Variants in SEPTIN6 observed in about 807,000 individuals in gnomAD.
SEPTIN6 encodes septin 6, also known as septin-6.
In SEPTIN6, 8 loss-of-function variants were observed where a neutral mutation model predicts 33.6. That is an observed-to-expected ratio of 0.24 (90% CI 0.14 to 0.43). The LOEUF (loss-of-function observed/expected upper bound fraction) is 0.43, where lower values mean the gene tolerates loss of function less well. Among genes scored for constraint, SEPTIN6 ranks in the 20% least tolerant of loss-of-function variants. The probability of loss-of-function intolerance (pLI) is 1.00; values close to 1 mark genes in which losing one functional copy is unlikely to be tolerated. For synonymous variants in SEPTIN6, 131 were observed against 140.0 expected, an observed-to-expected ratio of 0.94 and a Z score of 0.45; for missense variants, 250 against 340.8, an observed-to-expected ratio of 0.73 and a Z score of 2.10.
chrX:119,654,687 C>A (rs1339207987), intron 3 of SEPTIN6, among the ~76,000 whole-genome samples: 1 of 111,503 alleles, frequency 9.0e-6, no homozygotes, highest in Non-Finnish European at 1.9e-5. Flanking sequence ...TCTCTGGAGC[C>A]CCAGAGAAAA....
At chrX:119,628,807 A>AT (rs1332987125) in intron 9 of SEPTIN6, 25 of 88,221 alleles carry the variant, frequency 2.8e-4, no homozygotes, top group East Asian at 3.5e-4. Flanking sequence ...TGCCCAGCCT[A>AT]TTTTTTTTTT....
intron 2 of SEPTIN6, among the ~76,000 whole-genome samples, chrX:119,669,233 C>T: frequency 8.8e-6 from 1 of 113,213 alleles, no homozygotes; most frequent in Non-Finnish European, 1.9e-5. Flanking sequence ...GACGCATAGG[C>T]GTGATACGTT....
Position 119,618,091 on chromosome X carries a change from T to C in SEPTIN6, c.*2002A>G. On this transcript the variant is annotated 3_prime_UTR_variant, in exon 11 of 11. Transcript: ENST00000394610. ...CATAGAATCATCAAAGTTGCAAATA[T>C]GAAGCCTTTCCCAAGGAGACCTGAC... 1.2e-6 allele frequency: 1 copy of C among 804,013 alleles called. No homozygotes were observed. Among genetic ancestry groups the C allele is most frequent in the Non-Finnish European group, 1.5e-6 (1 of 670,505 alleles). The allele number at this position is 804,013 out of a possible 1,213,427, so 66.3% of individuals were successfully genotyped here. A position where few individuals can be genotyped will look rare whatever the true frequency, so the allele number is the denominator to read the frequency against.
rs183580630 is a variant in SEPTIN6 at position 119,652,011 on chromosome X, G to A, written c.528+843C>T. On this transcript the variant is annotated intron_variant, in intron 4 of 10. Coordinates refer to ENST00000394610, the MANE Select transcript of SEPTIN6 (RefSeq NM_145799.4). Reference sequence around the variant, plus strand: ...ATGATTCCAGCTCACTGCAACCTCCGCTTCCAGGTTCAAGCGATTCTCCTG... The same window carrying A: ...ATGATTCCAGCTCACTGCAACCTCCACTTCCAGGTTCAAGCGATTCTCCTG... Among the ~76,000 whole-genome samples the A allele has an allele frequency of 4.1e-3, 458 of 112,077 alleles. 3 individuals are homozygous for A. The highest frequency in any genetic ancestry group is 0.014 in the African/African-American group (434 of 30,869).
rs767539870 is a variant in SEPTIN6 at position 119,637,011 on chromosome X, C to T, written c.956+16G>A. The T allele has an allele frequency of 2.5e-6, 3 of 1,204,154 alleles. No individual in the cohort carries two copies. In the South Asian group the frequency reaches 5.4e-5, roughly 22 times the overall value. On this transcript the variant is annotated intron_variant, in intron 7 of 10. Coordinates refer to ENST00000394610, the MANE Select transcript of SEPTIN6 (RefSeq NM_145799.4). ...CTGAGCTGGGCTGGGCTGGGCTGGG[C>T]TGGCAGGAGCGGTACCTGAAGGGTT...
At position 119,637,159 on chromosome X, in the gene SEPTIN6, C is replaced by A. The variant is rs149227275; in HGVS notation, c.824G>T (p.Arg275Leu). Residue 275 changes from arginine (R) to leucine (L), a missense_variant, in exon 7 of 11, where the codon CGG becomes CTG. Physicochemically the swap from Arg to Leu is moderately radical, Grantham distance 102. This residue lies in a region of SEPTIN6 where 139 missense variants were observed against 227.0 expected (regional missense o/e 0.61). Transcript: ENST00000394610. ...CATGTTGACCCGAATCAGCATCTCC[C>A]GCAGCTTCACAAAGTCGCAGTGGGC... is the stretch of plus-strand genomic sequence containing the variant. The part of the protein sequence containing the change: ...NEAHCDFVKL[R>L]EMLIRVNMED... 8.3e-7 allele frequency: 1 copy of A among 1,211,706 alleles called. No individual in the cohort carries two copies. The highest frequency in any genetic ancestry group is 1.1e-6 in the Non-Finnish European group (1 of 895,339).
chrX:119,686,721 T>A, intron 1 of SEPTIN6: 1 of 497,381 alleles, frequency 2.0e-6, no homozygotes, highest in Non-Finnish European at 3.0e-6. Flanking sequence ...AAATAATCCA[T>A]CATTACATGG....
intron 9 of SEPTIN6, among the ~76,000 whole-genome samples, chrX:119,627,300 C>T (rs748262222): frequency 2.7e-5 from 3 of 110,763 alleles, no homozygotes; most frequent in Non-Finnish European, 5.7e-5. Flanking sequence ...GGCACAAGGG[C>T]ACCACAGGAG....
At chrX:119,682,352 A>C (rs773521632) in intron 1 of SEPTIN6, among the ~76,000 whole-genome samples, 5 of 111,788 alleles carry the variant, frequency 4.5e-5, no homozygotes, top group Non-Finnish European at 9.4e-5. Flanking sequence ...GTTCTCACTC[A>C]GCTTTGCAGC....
At chrX:119,684,191 C>T (rs775314961) in intron 1 of SEPTIN6, among the ~76,000 whole-genome samples, 47 of 111,493 alleles carry the variant, frequency 4.2e-4, no homozygotes, top group Non-Finnish European at 3.4e-4. Context: ...GTGATCCACT[C>T]GCCTCGGCCT....
At chrX:119,636,961 T>C in intron 7 of SEPTIN6, 66 bp downstream of exon 7, 1 of 1,146,619 alleles carries the variant, frequency 8.7e-7, no homozygotes, top group African/African-American at 1.8e-5. Context: ...AGGGGAAGGC[T>C]TCCACACCAC....
chrX:119,655,072 G>A (rs192278987), intron 3 of SEPTIN6, among the ~76,000 whole-genome samples: 29 of 110,111 alleles, frequency 2.6e-4, no homozygotes, highest in African/African-American at 9.3e-4. Flanking sequence ...AGGAATCAGA[G>A]GAAAGAAAAT....
At chrX:119,692,480 C>T (rs1478737064) in intron 1 of SEPTIN6, among the ~76,000 whole-genome samples, 1 of 111,555 alleles carries the variant, frequency 9.0e-6, no homozygotes, top group Non-Finnish European at 1.9e-5. Context: ...GCCGCCCGCC[C>T]GGGAAGACAC....
chrX:119,633,599 G>T, intron 7 of SEPTIN6, 107 bp from the exon 8 acceptor site: 2 of 991,646 alleles, frequency 2.0e-6, no homozygotes, highest in Non-Finnish European at 2.7e-6. Flanking sequence ...TTCCCCAGTT[G>T]TGAGCCAGGT....
chrX:119,666,902 C>T (rs780678182), intron 2 of SEPTIN6, among the ~76,000 whole-genome samples: 6 of 111,371 alleles, frequency 5.4e-5, no homozygotes, highest in Non-Finnish European at 7.6e-5. Flanking sequence ...TAACTGCAAA[C>T]GGGGCCAGCA....
chrX:119,618,684 A>C lies in SEPTIN6; in HGVS notation c.*1409T>G. On this transcript the variant is annotated 3_prime_UTR_variant, in exon 11 of 11. Transcript: ENST00000394610. ...GGGGGGCCTCGCTGCCTGGCACCCC[A>C]AAGGAAAGCTGTCAGTTAAAATAGG... 3 of 1,196,892 alleles carry C rather than the reference A, an allele frequency of 2.5e-6. No homozygotes were observed.
At chrX:119,631,470 A>G (rs895668366) in intron 8 of SEPTIN6, among the ~76,000 whole-genome samples, 43 of 111,293 alleles carry the variant, frequency 3.9e-4, no homozygotes, top group Non-Finnish European at 7.6e-4. Flanking sequence ...ATGAGCCACC[A>G]CGCCTGGCCT....
At chrX:119,654,033 C>T (rs950355208) in intron 3 of SEPTIN6, among the ~76,000 whole-genome samples, 1 of 111,206 alleles carries the variant, frequency 9.0e-6, no homozygotes, top group African/African-American at 3.3e-5. Flanking sequence ...CATGCCACTG[C>T]ACTCCAGCCT....
At chrX:119,682,830 G>A (rs780768213) in intron 1 of SEPTIN6, among the ~76,000 whole-genome samples, 5 of 111,644 alleles carry the variant, frequency 4.5e-5, no homozygotes, top group East Asian at 2.8e-4. Flanking sequence ...AGAATTTCCC[G>A]CCTCTGTTTC....
Sources: gnomAD v4.1 joint callset for allele counts (sites outside exome capture counted in the v4.1 genomes callset) on GRCh38, gnomAD v4.1.1 for gene constraint, gnomAD v4.1.1 regional missense constraint, MANE v1.5 for transcripts, NCBI Gene and HGNC (gene_info 2026-07-23, HGNC 2026-07-21) for gene names.